The following NCKAP5 variants were observed in gnomAD, a reference collection of about 807,000 sequenced individuals.
NCKAP5 encodes NCK associated protein 5.
Under a neutral mutation model 167.0 loss-of-function variants are expected in NCKAP5, and 92 were observed. The ratio of observed to expected loss-of-function variants is 0.55; its 90% CI spans 0.47 to 0.66. The LOEUF (loss-of-function observed/expected upper bound fraction) is 0.66. Among genes scored for constraint, NCKAP5 ranks in the 30% least tolerant of loss-of-function variants. NCKAP5 has a pLI of 0.00. For missense variants in NCKAP5, 2,378 were observed against 2,315.0 expected (o/e 1.03, Z -0.56); for synonymous variants, 891 against 877.4 (o/e 1.02, Z -0.27).
chr2:132,807,743 C>T (rs569439165), intron 11 of NCKAP5, among the ~76,000 whole-genome samples: 2 of 152,144 alleles, frequency 1.3e-5, no homozygotes, highest in South Asian at 4.1e-4. Context: ...TTTGGATGCC[C>T]TTTATTTCTT....
chr2:133,141,459 G>A (rs1448414213), intron 5 of NCKAP5, among the ~76,000 whole-genome samples: 1 of 150,864 alleles, frequency 6.6e-6, no homozygotes, highest in East Asian at 1.9e-4. Context: ...TTTTTATCCT[G>A]TAGCTGGAAT....
At chr2:133,462,063 T>C (rs571705311) in intron 3 of NCKAP5, among the ~76,000 whole-genome samples, 4 of 152,348 alleles carry the variant, frequency 2.6e-5, no homozygotes, top group South Asian at 2.1e-4. Context: ...TGGGTTAAAG[T>C]TGCATTATTT....
chr2:133,129,625 TGG>T (rs1290755736), intron 6 of NCKAP5, among the ~76,000 whole-genome samples: 1 of 152,214 alleles, frequency 6.6e-6, no homozygotes, highest in Non-Finnish European at 1.5e-5. Context: ...ATGGGATGGC[TGG>T]GTCAAATGGT....
chr2:133,279,689 A>G (rs2089869015), intron 4 of NCKAP5, among the ~76,000 whole-genome samples: 2 of 152,236 alleles, frequency 1.3e-5, no homozygotes, highest in South Asian at 4.1e-4. Context: ...TGGACTTTCT[A>G]TACTTTTCAG....
intron 3 of NCKAP5, among the ~76,000 whole-genome samples, chr2:133,424,158 C>G (rs1174617478): frequency 6.6e-6 from 1 of 152,140 alleles, no homozygotes; most frequent in Non-Finnish European, 1.5e-5. Context: ...CACACCAAAA[C>G]TCATAGGTGT....
chr2:132,829,464 T>G (rs1226636449), intron 11 of NCKAP5, among the ~76,000 whole-genome samples: 5 of 152,210 alleles, frequency 3.3e-5, no homozygotes, highest in African/African-American at 1.2e-4. Context: ...GTAAATATAA[T>G]TTTATTGAAA....
At chr2:132,941,750 C>T (rs1697316250) in intron 8 of NCKAP5, among the ~76,000 whole-genome samples, 2 of 152,118 alleles carry the variant, frequency 1.3e-5, no homozygotes, top group South Asian at 4.1e-4. Context: ...ATTTTTATTA[C>T]TTGCAATCAA....
At chr2:133,144,399 A>G (rs2083111236) in intron 5 of NCKAP5, among the ~76,000 whole-genome samples, 1 of 152,146 alleles carries the variant, frequency 6.6e-6, no homozygotes, top group African/African-American at 2.4e-5. Context: ...CAAGATTACC[A>G]GCTATAACAA....
intron 16 of NCKAP5, among the ~76,000 whole-genome samples, chr2:132,751,266 C>A (rs1404853579): frequency 2.0e-5 from 3 of 152,002 alleles, no homozygotes; most frequent in East Asian, 1.9e-4. Context: ...AGCCTGGCAC[C>A]TCTTCCTCTC....
intron 17 of NCKAP5, among the ~76,000 whole-genome samples, chr2:132,730,943 C>T (rs2105475449): frequency 6.6e-6 from 1 of 152,338 alleles, no homozygotes; most frequent in Middle Eastern, 3.4e-3. Context: ...AATTAAAAGT[C>T]TCCTTTTCTA....
At chr2:133,228,335 C>CT (rs372015289) in intron 4 of NCKAP5, among the ~76,000 whole-genome samples, 4 of 152,278 alleles carry the variant, frequency 2.6e-5, no homozygotes, top group Non-Finnish European at 5.9e-5. Context: ...AACCGGATCT[C>CT]TTTTTGTTTT....
intron 16 of NCKAP5, among the ~76,000 whole-genome samples, chr2:132,771,753 A>G (rs1682076320): frequency 6.6e-6 from 1 of 151,242 alleles, no homozygotes; most frequent in Admixed American, 6.6e-5. Context: ...GCTCACTGCA[A>G]TCTCTGCCTC....
chr2:133,401,656 G>A (rs922370526), intron 3 of NCKAP5, among the ~76,000 whole-genome samples: 4 of 152,072 alleles, frequency 2.6e-5, no homozygotes, highest in Non-Finnish European at 5.9e-5. Context: ...ATCATAGTTG[G>A]TATCAGAGGT....
At chr2:132,744,198 A>C (rs560198704) in intron 16 of NCKAP5, among the ~76,000 whole-genome samples, 21 of 151,774 alleles carry the variant, frequency 1.4e-4, no homozygotes, top group Admixed American at 7.2e-4. Context: ...TGAATTGTGC[A>C]GCACACTCTA....
At chr2:133,587,543 C>T in the NCKAP5 span, among the ~76,000 whole-genome samples, 2 of 152,174 alleles carry the variant, frequency 1.3e-5, no homozygotes, top group Admixed American at 1.3e-4. Context: ...ATGGTCTCCA[C>T]CTGAAGGGAA....
intron 16 of NCKAP5, 120 bp downstream of exon 16, chr2:132,773,696 T>C (rs1682292234): frequency 2.5e-6 from 2 of 789,680 alleles, no homozygotes; most frequent in Non-Finnish European, 2.0e-6. Flanking sequence ...CAACCATGTG[T>C]GAATAGTTAA....
intron 11 of NCKAP5, among the ~76,000 whole-genome samples, chr2:132,841,034 T>G: frequency 6.6e-6 from 1 of 152,194 alleles, no homozygotes; most frequent in Non-Finnish European, 1.5e-5. Context: ...ATATTAGATT[T>G]TCATACATAG....
intron 6 of NCKAP5, among the ~76,000 whole-genome samples, chr2:133,112,468 C>A (rs557343853): frequency 7.0e-6 from 1 of 141,946 alleles, no homozygotes; most frequent in African/African-American, 2.7e-5. Context: ...AGTAAGACTC[C>A]GTCTTAAAAA....
At chr2:133,299,719 C>G (rs996425654) in intron 4 of NCKAP5, among the ~76,000 whole-genome samples, 39 of 152,136 alleles carry the variant, frequency 2.6e-4, no homozygotes, top group African/African-American at 8.2e-4. Flanking sequence ...CCATTGCACT[C>G]CAGCCTGGGC....
Sources: allele counts gnomAD v4.1 joint callset (sites outside exome capture counted in the v4.1 genomes callset), GRCh38; gene constraint gnomAD v4.1.1; transcripts MANE v1.5; gene names NCBI Gene and HGNC (gene_info 2026-07-23, HGNC 2026-07-21).